Variants in BMAL1 observed in about 807,000 individuals in gnomAD.
BMAL1 encodes the protein basic helix-loop-helix ARNT like 1.
chr11:13,278,773 C>T, the BMAL1 span, among the ~76,000 whole-genome samples: 1 of 152,242 alleles, frequency 6.6e-6, no homozygotes, highest in African/African-American at 2.4e-5. Flanking sequence ...GAGGGCGCAG[C>T]GAGCCTGGCT....
At chr11:13,301,815 C>T in the BMAL1 span, among the ~76,000 whole-genome samples, 1 of 152,136 alleles carries the variant, frequency 6.6e-6, no homozygotes, top group Non-Finnish European at 1.5e-5. Context: ...ATGCAATGAA[C>T]CAAATGAGGT....
chr11:13,376,744 T>A, the BMAL1 span: 2 of 1,609,628 alleles, frequency 1.2e-6, no homozygotes, highest in African/African-American at 2.7e-5. Flanking sequence ...TATGTGCTGC[T>A]GGGGCCCTGG....
the BMAL1 span, among the ~76,000 whole-genome samples, chr11:13,285,077 A>C: frequency 6.6e-6 from 1 of 151,710 alleles, no homozygotes; most frequent in Non-Finnish European, 1.5e-5. Context: ...CTTGGATCTC[A>C]CTTCTCTGTG....
At chr11:13,329,923 C>T in the BMAL1 span, among the ~76,000 whole-genome samples, 20 of 152,296 alleles carry the variant, frequency 1.3e-4, no homozygotes, top group South Asian at 4.1e-3. Context: ...TTTTGTTTGA[C>T]CTTGATTTGC....
At chr11:13,292,233 T>C in the BMAL1 span, among the ~76,000 whole-genome samples, 1 of 152,200 alleles carries the variant, frequency 6.6e-6, no homozygotes. Flanking sequence ...TGGAACACTT[T>C]TTTTTTTCAC....
chr11:13,386,612 A>G, the BMAL1 span: 2 of 1,613,038 alleles, frequency 1.2e-6, no homozygotes, highest in Non-Finnish European at 8.5e-7. Context: ...ACCCCCACAT[A>G]GGTATAGACA....
At chr11:13,289,331 G>A in the BMAL1 span, among the ~76,000 whole-genome samples, 1 of 152,138 alleles carries the variant, frequency 6.6e-6, no homozygotes, top group Non-Finnish European at 1.5e-5. Context: ...CTGTCCACCA[G>A]GTGGGTGCTG....
At chr11:13,356,626 C>A in the BMAL1 span, 1 of 1,278,674 alleles carries the variant, frequency 7.8e-7, no homozygotes, top group Admixed American at 2.2e-5. Context: ...TGTGGCTGTT[C>A]GAACTTTATG....
At chr11:13,310,896 C>A in the BMAL1 span, among the ~76,000 whole-genome samples, 1 of 152,200 alleles carries the variant, frequency 6.6e-6, no homozygotes, top group Non-Finnish European at 1.5e-5. Flanking sequence ...GAGGCATGGG[C>A]CCCTTTTGGA....
At chr11:13,331,305 C>A in the BMAL1 span, among the ~76,000 whole-genome samples, 1 of 152,222 alleles carries the variant, frequency 6.6e-6, no homozygotes, top group Non-Finnish European at 1.5e-5. Context: ...AAGGTAACAT[C>A]AGTTGCTCTC....
chr11:13,357,049 C>T, the BMAL1 span: 3 of 1,614,050 alleles, frequency 1.9e-6, no homozygotes, highest in Non-Finnish European at 1.7e-6. This position sits in a 1 kb window ranked among gnomAD's most constrained non-coding sequence, Gnocchi z 4.8. Context: ...TTTTTCCTCC[C>T]CCCAGGTTAG....
the BMAL1 span, among the ~76,000 whole-genome samples, chr11:13,296,135 T>C: frequency 3.3e-5 from 5 of 152,248 alleles, no homozygotes; most frequent in East Asian, 5.8e-4. Flanking sequence ...CTTTGTCAGG[T>C]CTAGAGGCTT....
chr11:13,319,007 C>A, the BMAL1 span, among the ~76,000 whole-genome samples: 2 of 152,148 alleles, frequency 1.3e-5, no homozygotes, highest in African/African-American at 4.8e-5. Flanking sequence ...TACTCCTGGA[C>A]TTTTGCATTT....
At chr11:13,343,920 C>G in the BMAL1 span, among the ~76,000 whole-genome samples, 1 of 152,138 alleles carries the variant, frequency 6.6e-6, no homozygotes, top group African/African-American at 2.4e-5. Flanking sequence ...TGATCAAGCC[C>G]CATAGCTCCA....
At chr11:13,313,281 C>G in the BMAL1 span, among the ~76,000 whole-genome samples, 2 of 152,198 alleles carry the variant, frequency 1.3e-5, no homozygotes, top group Non-Finnish European at 2.9e-5. Context: ...GTTCTTTGTC[C>G]TTAGCTTCTG....
At chr11:13,277,371 G>C in the BMAL1 span, among the ~76,000 whole-genome samples, 1 of 152,176 alleles carries the variant, frequency 6.6e-6, no homozygotes, top group Non-Finnish European at 1.5e-5. Flanking sequence ...GCGCGGCTTG[G>C]GCACCGCAGT....
At chr11:13,326,900 A>G in the BMAL1 span, among the ~76,000 whole-genome samples, 1 of 151,864 alleles carries the variant, frequency 6.6e-6, no homozygotes, top group Admixed American at 6.5e-5. Flanking sequence ...GCTCACTGCA[A>G]GCTCTGCTTC....
At chr11:13,287,481 A>G in the BMAL1 span, among the ~76,000 whole-genome samples, 1 of 152,242 alleles carries the variant, frequency 6.6e-6, no homozygotes, top group Admixed American at 6.5e-5. Flanking sequence ...GTTCTCTGCT[A>G]TACCCCTAGC....
the BMAL1 span, among the ~76,000 whole-genome samples, chr11:13,292,478 C>T: frequency 2.0e-5 from 3 of 150,872 alleles, no homozygotes; most frequent in South Asian, 2.1e-4. Flanking sequence ...ACCTGGGGGG[C>T]GGAGCTTGCA....
Sources: allele counts gnomAD v4.1 joint callset (sites outside exome capture counted in the v4.1 genomes callset), GRCh38; gene constraint gnomAD v4.1.1; non-coding constraint Gnocchi (gnomAD v3.1); transcripts MANE v1.5; gene names NCBI Gene and HGNC (gene_info 2026-07-23, HGNC 2026-07-21).